Variants in RAB6D observed in about 807,000 individuals in gnomAD.
RAB6D encodes ras-related protein Rab-6D.
Under a neutral mutation model 17.5 loss-of-function variants are expected in RAB6D, and 11 were observed. That is an observed-to-expected ratio of 0.63 (90% CI 0.39 to 1.04). The LOEUF (loss-of-function observed/expected upper bound fraction) is 1.04, where lower values mean the gene tolerates loss of function less well. Among genes scored for constraint, RAB6D ranks in the 50% least tolerant of loss-of-function variants. The pLI is 0.00. For missense variants in RAB6D, 163 were observed against 315.1 expected (o/e 0.52, Z 3.65); for synonymous variants, 68 against 122.6 (o/e 0.55, Z 2.94).
In RAB6D at chr2:131,362,987, T is replaced by C. The variant is rs1286806250; in HGVS notation, c.734A>G (p.Asn245Ser). ...CCACGAGACAGGCAGCAATGATGAATTGCAAAACGTTATTAATGAAGGGAA... is the reference window on the plus strand; with the variant it reads ...CCACGAGACAGGCAGCAATGATGAACTGCAAAACGTTATTAATGAAGGGAA... ...NLFPSLITFC[N>S]SSLLPVSWR The change falls in exon 1 of 1, where the codon AAT (asparagine) becomes AGT (serine). Residue 245 changes from asparagine (N) to serine (S), a missense_variant. By Grantham distance (46) the Asn-to-Ser change is conservative (BLOSUM62 1). This residue lies in a region of RAB6D where 144 missense variants were observed against 244.4 expected (regional missense o/e 0.59). Coordinates refer to ENST00000623617, the MANE Select transcript of RAB6D (RefSeq NM_001077637.3). 6.2e-7 allele frequency: 1 copy of C among 1,604,146 alleles called. No homozygotes were observed. Among genetic ancestry groups the C allele is most frequent in the Non-Finnish European group, 8.5e-7 (1 of 1,172,818 alleles).
At position 131,363,522 on chromosome 2, in the gene RAB6D, A is replaced by G; in HGVS notation, c.199T>C (p.Trp67Arg). 2 of 1,604,246 alleles carry G rather than the reference A, an allele frequency of 1.2e-6. No homozygotes were observed. Among genetic ancestry groups the G allele is most frequent in the Non-Finnish European group, 1.7e-6 (2 of 1,174,550 alleles). ...AGACGTTCCTGACCCGCCGTATCCC[A>G]CAGCCGAAGCCCGATTGTTCCATCC... is the stretch of plus-strand genomic sequence containing the variant. ...LEDGTIGLRLWDTAGQERLRS... is the reference protein window; with the variant it reads ...LEDGTIGLRLRDTAGQERLRS... Residue 67 changes from tryptophan (W) to arginine (R), a missense_variant, in exon 1 of 1, where the codon TGG becomes CGG. Trp to Arg is a moderately radical substitution (Grantham distance 101). This residue lies in a region of RAB6D where 144 missense variants were observed against 244.4 expected (regional missense o/e 0.59). Transcript: ENST00000623617.
In RAB6D at chr2:131,363,799, G is replaced by C. The variant is rs190219272; in HGVS notation, c.-79C>G. The C allele has an allele frequency of 4.1e-6, 4 of 972,872 alleles. No individual in the cohort carries two copies. In the African/African-American group the frequency reaches 5.6e-5, roughly 14 times the overall value. The allele number at this position is 972,872 out of a possible 1,614,324, so 60.3% of individuals were successfully genotyped here. On this transcript the variant is annotated 5_prime_UTR_variant, in exon 1 of 1. Coordinates refer to ENST00000623617, the MANE Select transcript of RAB6D (RefSeq NM_001077637.3). ...GCTGCTCCAGCCGGCTGACGAAAAA[G>C]GCGAGCGGAAGGGCGGGCGCCGAGC...
chr2:131,363,396 C>A lies in RAB6D; in HGVS notation c.325G>T (p.Asp109Tyr). The A allele has an allele frequency of 6.2e-7, 1 of 1,613,822 alleles. No homozygotes were observed. The highest frequency in any genetic ancestry group is 8.5e-7 in the Non-Finnish European group (1 of 1,180,014). ...NSFQQTTKWI[D>Y]DVRTEGGSDV... ...CTTCCTCCTTCTGTTCTGACATCATCAATCCACTTTGTAGTTTGCTGGAAT... is the reference window on the plus strand; with the variant it reads ...CTTCCTCCTTCTGTTCTGACATCATAAATCCACTTTGTAGTTTGCTGGAAT... The change falls in exon 1 of 1, where the codon GAT becomes TAT. Residue 109 changes from aspartate (D) to tyrosine (Y), a missense_variant. Asp to Tyr is a radical substitution (Grantham distance 160, BLOSUM62 -3). Coordinates refer to ENST00000623617, the MANE Select transcript of RAB6D (RefSeq NM_001077637.3).
In RAB6D at chr2:131,360,595, A is replaced by G. The variant is rs1488682252; in HGVS notation, c.*2361T>C. Among the ~76,000 whole-genome samples the G allele has an allele frequency of 6.6e-6, 1 of 152,210 alleles. No individual in the cohort carries two copies. The highest frequency in any genetic ancestry group is 1.5e-5 in the Non-Finnish European group (1 of 68,038). On this transcript the variant is annotated 3_prime_UTR_variant, in exon 1 of 1. Transcript: ENST00000623617. The stretch of plus-strand genomic sequence containing the variant: ...AAACTAGAAGAAAATGTAAAATATA[A>G]CCAACATATAAACAGCAATGTGTTA...
Position 131,361,298 on chromosome 2 carries a change from G to C in RAB6D, c.*1658C>G, listed in dbSNP as rs566680047. 4.2e-4 allele frequency: 70 copies of C among 167,156 alleles called. No homozygotes were observed. The highest frequency in any genetic ancestry group is 8.4e-4 in the Non-Finnish European group (57 of 68,102). The allele number at this position is 167,156 out of a possible 1,614,324, so 10.4% of individuals were successfully genotyped here. A position where few individuals can be genotyped will look rare whatever the true frequency, so the allele number is the denominator to read the frequency against. On this transcript the variant is annotated 3_prime_UTR_variant, in exon 1 of 1. Coordinates refer to ENST00000623617, the MANE Select transcript of RAB6D (RefSeq NM_001077637.3). ...TTCTCTATTCAGATCCATAATCCAAGTGCTCTCTGAATATTACAAGGTGAC... is the reference window on the plus strand; with the variant it reads ...TTCTCTATTCAGATCCATAATCCAACTGCTCTCTGAATATTACAAGGTGAC...
Position 131,363,941 on chromosome 2 carries a change from G to T in RAB6D, c.-221C>A, listed in dbSNP as rs1348086719. Reference sequence around the variant, plus strand: ...AGTAGCCGAGCACCGAGCGAGGCCCGCGGCTGGGAAGGGAAGGAGGGCGGT... The same window carrying T: ...AGTAGCCGAGCACCGAGCGAGGCCCTCGGCTGGGAAGGGAAGGAGGGCGGT... On this transcript the variant is annotated 5_prime_UTR_variant, in exon 1 of 1. Coordinates refer to ENST00000623617, the MANE Select transcript of RAB6D (RefSeq NM_001077637.3). The T allele has an allele frequency of 2.6e-6, 2 of 760,436 alleles. No individual in the cohort carries two copies. The highest frequency in any genetic ancestry group is 3.5e-5 in the African/African-American group (2 of 56,618). 47.1% of individuals were successfully genotyped at this position (760,436 alleles called of 1,614,324 possible).
rs1703426311 is a variant in RAB6D at position 131,361,696 on chromosome 2, A to T, written c.*1260T>A. 1 of 28,798 alleles carries T rather than the reference A, an allele frequency of 3.5e-5. No individual in the cohort carries two copies. The highest frequency in any genetic ancestry group is 8.5e-5 in the African/African-American group (1 of 11,732). 1.8% of individuals were successfully genotyped at this position (28,798 alleles called of 1,614,324 possible). ...AAACATCTAAAAATTGAAAGTTGTTAAAAAAAAAGCAAAGAAATATCACCA... is the reference window on the plus strand; with the variant it reads ...AAACATCTAAAAATTGAAAGTTGTTTAAAAAAAAGCAAAGAAATATCACCA... On this transcript the variant is annotated 3_prime_UTR_variant, in exon 1 of 1. Transcript: ENST00000623617.
Position 131,361,705 on chromosome 2 carries a change from G to C in RAB6D, c.*1251C>G, listed in dbSNP as rs1165614976. On this transcript the variant is annotated 3_prime_UTR_variant, in exon 1 of 1. Coordinates refer to ENST00000623617, the MANE Select transcript of RAB6D (RefSeq NM_001077637.3). ...AAAATTGAAAGTTGTTAAAAAAAAAGCAAAGAAATATCACCAAAGAAAAAA... is the reference window on the plus strand; with the variant it reads ...AAAATTGAAAGTTGTTAAAAAAAAACCAAAGAAATATCACCAAAGAAAAAA... The C allele has an allele frequency of 1.9e-5, 3 of 155,120 alleles. No homozygotes were observed. The East Asian group carries it at 6.3e-4, about 33-fold the overall frequency. 9.6% of individuals were successfully genotyped at this position (155,120 alleles called of 1,614,324 possible). A position where few individuals can be genotyped will look rare whatever the true frequency, so the allele number is the denominator to read the frequency against.
Position 131,363,358 on chromosome 2 carries a change from G to A in RAB6D, c.363C>T (p.Ile121=). ...GATCTGTTTTATTTCCTACTAGCGT[G>A]ATGATAACATCACTTCCTCCTTCTG... ...VRTEGGSDVI[I]TLVGNKTDLA... is the part of the protein sequence containing the mutation. Residue 121 remains isoleucine (I), a synonymous_variant, in exon 1 of 1, where the codon ATC becomes ATT. Coordinates refer to ENST00000623617, the MANE Select transcript of RAB6D (RefSeq NM_001077637.3). 1 of 1,614,048 alleles carries A rather than the reference G, an allele frequency of 6.2e-7. No individual in the cohort carries two copies.
In RAB6D at chr2:131,363,161, T is replaced by C. The variant is rs1319707338; in HGVS notation, c.560A>G (p.Asp187Gly). 1 of 1,610,214 alleles carries C rather than the reference T, an allele frequency of 6.2e-7. No individual in the cohort carries two copies. The highest frequency in any genetic ancestry group is 8.5e-7 in the Non-Finnish European group (1 of 1,177,912). Reference sequence around the variant, plus strand: ...CTTTTCCAGTTTTATGTCACTCATGTCTTCTCTGCTTCCGTCCTGTGTGCT... The same window carrying C: ...CTTTTCCAGTTTTATGTCACTCATGCCTTCTCTGCTTCCGTCCTGTGTGCT... ...MESTQDGSRE[D>G]MSDIKLEKPQ... The change falls in exon 1 of 1, where the codon GAC (aspartate) becomes GGC (glycine). Residue 187 changes from aspartate to glycine, a missense_variant. Physicochemically the swap from Asp to Gly is moderately conservative, Grantham distance 94. Coordinates refer to ENST00000623617, the MANE Select transcript of RAB6D (RefSeq NM_001077637.3).
Position 131,362,021 on chromosome 2 carries a change from T to C in RAB6D, c.*935A>G, listed in dbSNP as rs1435537910. The C allele has an allele frequency of 2.4e-5, 4 of 167,116 alleles. No individual in the cohort carries two copies. The highest frequency in any genetic ancestry group is 4.8e-5 in the African/African-American group (2 of 41,456). The allele number at this position is 167,116 out of a possible 1,614,324, so 10.4% of individuals were successfully genotyped here. A position where few individuals can be genotyped will look rare whatever the true frequency, so the allele number is the denominator to read the frequency against. On this transcript the variant is annotated 3_prime_UTR_variant, in exon 1 of 1. Transcript: ENST00000623617. ...TGCTCTTCTGCTGAGGGTTCTTTTG[T>C]TGGTAAGCTTTAGATATCGTTATTT...
rs182805337 is a variant in RAB6D at position 131,364,091 on chromosome 2, T to C, written c.-371A>G. 1,142 of 112,394 alleles carry C rather than the reference T, an allele frequency of 0.01. 47 individuals are homozygous for C. Among genetic ancestry groups the C allele is most frequent in the South Asian group, 0.037 (192 of 5,204 alleles). 7.0% of individuals were successfully genotyped at this position (112,394 alleles called of 1,614,324 possible). ...GCGGAGCCGGAACCGCAGACGTATCTGGGATCTCTCACGCGCGGCGCTTCG... is the reference window on the plus strand; with the variant it reads ...GCGGAGCCGGAACCGCAGACGTATCCGGGATCTCTCACGCGCGGCGCTTCG... On this transcript the variant is annotated 5_prime_UTR_variant, in exon 1 of 1. Transcript: ENST00000623617.
In RAB6D at chr2:131,364,018, C is replaced by T; in HGVS notation, c.-298G>A. 2.1e-6 allele frequency: 1 copy of T among 473,924 alleles called. No individual in the cohort carries two copies. 29.4% of individuals were successfully genotyped at this position (473,924 alleles called of 1,614,324 possible). On this transcript the variant is annotated 5_prime_UTR_variant, in exon 1 of 1. Transcript: ENST00000623617. ...GGCTTCCCAAGGCTAGGGCCGTTCC[C>T]TTCTTCCTCACCCGGCTCCAAGACC...
rs1196107157 is a variant in RAB6D at position 131,364,043 on chromosome 2, C to A, written c.-323G>T. On this transcript the variant is annotated 5_prime_UTR_variant, in exon 1 of 1. It adds an upstream start codon to the 5' untranslated region. Transcript: ENST00000623617. ...CTTCTTCCTCACCCGGCTCCAAGAC[C>A]TGCGGGAGAAAGGCGGAGGGTGGCG... is the stretch of plus-strand genomic sequence containing the variant. 2.6e-6 allele frequency: 1 copy of A among 386,352 alleles called. No individual in the cohort carries two copies. The highest frequency in any genetic ancestry group is 4.9e-6 in the Non-Finnish European group (1 of 204,784). The allele number at this position is 386,352 out of a possible 1,614,324, so 23.9% of individuals were successfully genotyped here.
rs1373806509 is a variant in RAB6D at position 131,362,353 on chromosome 2, C to T, written c.*603G>A. 3 of 168,060 alleles carry T rather than the reference C, an allele frequency of 1.8e-5. No homozygotes were observed. The highest frequency in any genetic ancestry group is 1.9e-4 in the East Asian group (1 of 5,206). The allele number at this position is 168,060 out of a possible 1,614,324, so 10.4% of individuals were successfully genotyped here. On this transcript the variant is annotated 3_prime_UTR_variant, in exon 1 of 1. Transcript: ENST00000623617. ...TTCTCTCCCAGAGTCTAATAAAGCA[C>T]ATGTGAAAGGACCATTTGTTTTAGT...
At position 131,363,263 on chromosome 2, in the gene RAB6D, A is replaced by G; in HGVS notation, c.458T>C (p.Ile153Thr). ...GTATCCAGCTTTTGCCCTAGTTTCAATAAACGTAACATTCAGCCCTTTGGC... is the reference window on the plus strand; with the variant it reads ...GTATCCAGCTTTTGCCCTAGTTTCAGTAAACGTAACATTCAGCCCTTTGGC... ...RKAKGLNVTF[I>T]ETRAKAGYNV... The change falls in exon 1 of 1, where the codon ATT becomes ACT. Residue 153 changes from isoleucine (I) to threonine (T), a missense_variant. This residue lies in a region of RAB6D where 144 missense variants were observed against 244.4 expected (regional missense o/e 0.59). Coordinates refer to ENST00000623617, the MANE Select transcript of RAB6D (RefSeq NM_001077637.3). 6.2e-7 allele frequency: 1 copy of G among 1,613,874 alleles called. No individual in the cohort carries two copies. The highest frequency in any genetic ancestry group is 8.5e-7 in the Non-Finnish European group (1 of 1,180,002).
rs1173701312 is a variant in RAB6D at position 131,360,802 on chromosome 2, T to C, written c.*2154A>G. ...TGTGGATGTAAATGGCAGTAAAAGG[T>C]AAAAAGGGAAGGTGGTAAAAAGGGA... On this transcript the variant is annotated 3_prime_UTR_variant, in exon 1 of 1. Coordinates refer to ENST00000623617, the MANE Select transcript of RAB6D (RefSeq NM_001077637.3). 6.6e-6 allele frequency among the ~76,000 whole-genome samples: 1 copy of C among 152,018 alleles called. No homozygotes were observed. The highest frequency in any genetic ancestry group is 1.5e-5 in the Non-Finnish European group (1 of 67,994).
In RAB6D at chr2:131,361,220, C is replaced by A. The variant is rs1221934065; in HGVS notation, c.*1736G>T. On this transcript the variant is annotated 3_prime_UTR_variant, in exon 1 of 1. Coordinates refer to ENST00000623617, the MANE Select transcript of RAB6D (RefSeq NM_001077637.3). ...TATAAAAGCACTTTATAACTCCATC[C>A]CATCTTTAAGTGTAAGTTACTGGTA... 4 of 167,040 alleles carry A rather than the reference C, an allele frequency of 2.4e-5. No individual in the cohort carries two copies. Among genetic ancestry groups the A allele is most frequent in the African/African-American group, 9.7e-5 (4 of 41,440 alleles). The allele number at this position is 167,040 out of a possible 1,614,324, so 10.3% of individuals were successfully genotyped here. A position where few individuals can be genotyped will look rare whatever the true frequency, so the allele number is the denominator to read the frequency against.
In RAB6D at chr2:131,363,629, G is replaced by A; in HGVS notation, c.92C>T (p.Thr31Ile). ...EQSVAKTSLI[T>I]RFRYDSFDNT... The stretch of plus-strand genomic sequence containing the variant: ...GTCAAAACTGTCATACCTGAATCTG[G>A]TGATCAAAGATGTCTTTGCAACGCT... The change falls in exon 1 of 1, where the codon ACC (threonine) becomes ATC (isoleucine). Residue 31 changes from threonine to isoleucine, a missense_variant. Around this residue, in one of 2 missense-constraint regions of RAB6D, gnomAD observed 19 missense variants for 70.6 expected, o/e 0.27. Transcript: ENST00000623617. 1.4e-6 allele frequency: 2 copies of A among 1,450,742 alleles called. No individual in the cohort carries two copies. The highest frequency in any genetic ancestry group is 1.2e-5 in the South Asian group (1 of 83,474). The allele number at this position is 1,450,742 out of a possible 1,614,324, so 89.9% of individuals were successfully genotyped here.
Sources: allele counts gnomAD v4.1 joint callset (sites outside exome capture counted in the v4.1 genomes callset), GRCh38; gene constraint gnomAD v4.1.1; regional missense constraint gnomAD v4.1.1; transcripts MANE v1.5; gene names NCBI Gene and HGNC (gene_info 2026-07-23, HGNC 2026-07-21).